The following PPP1R11 variants were observed in gnomAD, a reference collection of about 807,000 sequenced individuals.
PPP1R11 encodes the protein E3 ubiquitin-protein ligase PPP1R11.
Under a neutral mutation model 11.3 loss-of-function variants are expected in PPP1R11, and 10 were observed. The ratio of observed to expected loss-of-function variants is 0.88; its 90% CI spans 0.55 to 1.50. PPP1R11 has a LOEUF of 1.50. PPP1R11 is among the 40% of genes most tolerant of loss of function. The pLI, the probability that PPP1R11 is intolerant of heterozygous loss-of-function variation, is 0.00. For synonymous variants in PPP1R11, 56 were observed against 62.3 expected (o/e 0.90, Z 0.48); for missense variants, 114 against 179.1 (o/e 0.64, Z 2.07).
At chr6:30,066,407 T>C (rs9261280), upstream of PPP1R11, among the ~76,000 whole-genome samples, 4,616 of 152,350 alleles carry the variant, frequency 0.03, 83 homozygotes, top group Non-Finnish European at 0.04. Flanking sequence ...GAAACGTGCA[T>C]ATATTTTTAT....
chr6:30,068,905 G>A (rs1337240457), intron 2 of PPP1R11, among the ~76,000 whole-genome samples, 199 bp from the exon 3 acceptor site: 1 of 152,176 alleles, frequency 6.6e-6, no homozygotes, highest in African/African-American at 2.4e-5. Flanking sequence ...GTCAGAGGTG[G>A]GAGAAGTGGG....
rs1435104552 is a variant in PPP1R11, at chr6:30,070,143, C to T, written c.*837C>T. ...GTAGTACACTCTTACCTCTTACTTC[C>T]TAGACTTTGATTTCTCCGGCAGCCC... On this transcript the variant is annotated 3_prime_UTR_variant, in exon 3 of 3. Transcript: ENST00000376772. 6.5e-6 allele frequency: 1 copy of T among 152,740 alleles called. No homozygotes were observed. Among genetic ancestry groups the T allele is most frequent in the Non-Finnish European group, 1.5e-5 (1 of 68,472 alleles). The allele number at this position is 152,740 out of a possible 1,614,324, so 9.5% of individuals were successfully genotyped here.
In PPP1R11 at chr6:30,069,280, C is replaced by T; in HGVS notation, c.355C>T (p.Pro119Ser). ...TCCCCAGCCTCCTGACCCTTCCCAG[C>T]CCCCTCCAGGGCCAATGCAGCACTA... is the stretch of plus-strand genomic sequence containing the variant. ...TPPQPPDPSQ[P>S]PPGPMQH The change falls in exon 3 of 3, where the codon CCC becomes TCC. Residue 119 changes from proline to serine, a missense_variant. Coordinates refer to ENST00000376772, the MANE Select transcript of PPP1R11 (RefSeq NM_021959.3). The surrounding 1 kb of genome is among the most constrained non-coding windows in gnomAD (Gnocchi z 6.6). 6.2e-7 allele frequency: 1 copy of T among 1,608,620 alleles called. No individual in the cohort carries two copies. Among genetic ancestry groups the T allele is most frequent in the African/African-American group, 1.3e-5 (1 of 74,852 alleles).
At chr6:30,066,971 C>A, upstream of PPP1R11, 1 of 175,496 alleles carries the variant, frequency 5.7e-6, no homozygotes, top group South Asian at 1.1e-4. Flanking sequence ...TCTGGCCCGG[C>A]AATACCCATC....
At chr6:30,062,166 T>A, upstream of PPP1R11, 1 of 1,498,704 alleles carries the variant, frequency 6.7e-7, no homozygotes, top group Non-Finnish European at 9.3e-7. Context: ...ATCGCCTGAT[T>A]CCTGTGGGAA....
At chr6:30,061,396 G>A in the PPP1R11 span, 6 of 1,022,758 alleles carry the variant, frequency 5.9e-6, no homozygotes, top group East Asian at 2.5e-5. This position sits in a 1 kb window ranked among gnomAD's most constrained non-coding sequence, Gnocchi z 5.0. Context: ...AGAGGCAGGA[G>A]GCGTGCGTGG....
chr6:30,067,555 T>C, intron 1 of PPP1R11, 76 bp downstream of exon 1: 8 of 1,525,730 alleles, frequency 5.2e-6, no homozygotes, highest in Middle Eastern at 1.7e-4. Flanking sequence ...ATTAGAAGAG[T>C]TGTTGGAGGA....
upstream of PPP1R11, among the ~76,000 whole-genome samples, chr6:30,063,074 G>C (rs570544331): frequency 6.6e-6 from 1 of 152,200 alleles, no homozygotes; most frequent in South Asian, 2.1e-4. This position sits in a 1 kb window ranked among gnomAD's most constrained non-coding sequence, Gnocchi z 4.1. Flanking sequence ...GTGTTCTGCA[G>C]TCACTATAGT....
chr6:30,064,191 T>C (rs565540311), upstream of PPP1R11, among the ~76,000 whole-genome samples: 48 of 152,300 alleles, frequency 3.2e-4, no homozygotes, highest in African/African-American at 9.4e-4. Flanking sequence ...AGTGTGCAGA[T>C]TGCCTTTACT....
upstream of PPP1R11, chr6:30,062,031 A>G: frequency 6.2e-7 from 1 of 1,609,278 alleles, no homozygotes; most frequent in South Asian, 1.1e-5. Context: ...AGCTAATGAG[A>G]TCAAGAACTG....
chr6:30,062,282 T>C (rs376269985), upstream of PPP1R11: 2 of 1,612,982 alleles, frequency 1.2e-6, no homozygotes, highest in African/African-American at 2.7e-5. Flanking sequence ...ACCAGACAGA[T>C]GCGTTCAGCC....
chr6:30,062,212 G>T (rs1426519838), upstream of PPP1R11: 1 of 1,609,436 alleles, frequency 6.2e-7, no homozygotes, highest in African/African-American at 1.3e-5. Flanking sequence ...TAACCCACCA[G>T]TTTCTTCCCA....
At position 30,068,690 on chromosome 6, in the gene PPP1R11, C is replaced by A; in HGVS notation, c.170C>A (p.Ser57Ter). The stretch of plus-strand genomic sequence containing the variant: ...GACAATGAACACATGGGCCGCCGCT[C>A]ATCCAAATGTGAGTAATTGTTGGCC... ...TVDNEHMGRRSSKCCCIYEKP... is the reference protein window; with the variant it reads ...TVDNEHMGRR Residue 57 changes from serine (S) to a stop codon, truncating the protein, a stop_gained, in exon 2 of 3, where the codon TCA (serine) becomes TAA (stop). Transcript: ENST00000376772. LOFTEE classifies it high-confidence loss of function. 1 of 1,612,236 alleles carries A rather than the reference C, an allele frequency of 6.2e-7. No homozygotes were observed. The highest frequency in any genetic ancestry group is 8.5e-7 in the Non-Finnish European group (1 of 1,179,372).
chr6:30,061,733 G>A (rs1765091897), upstream of PPP1R11: 2 of 1,605,978 alleles, frequency 1.2e-6, no homozygotes, highest in Admixed American at 1.7e-5. The surrounding 1 kb of genome is among the most constrained non-coding windows in gnomAD (Gnocchi z 5.0). Context: ...GGGAACTCAA[G>A]ATCGGTTGGG....
At chr6:30,064,096 G>T (rs148532431), upstream of PPP1R11, among the ~76,000 whole-genome samples, 303 of 152,174 alleles carry the variant, frequency 2.0e-3, 1 homozygote, top group African/African-American at 6.6e-3. Context: ...AGTATAAAGG[G>T]CACCATAGTG....
Position 30,068,646 on chromosome 6 carries a change from A to G in PPP1R11, c.126A>G (p.Glu42=). The G allele has an allele frequency of 1.2e-6, 2 of 1,612,994 alleles. No homozygotes were observed. Among genetic ancestry groups the G allele is most frequent in the Non-Finnish European group, 1.7e-6 (2 of 1,179,994 alleles). ...LRKRKPEKKV[E]WTSDTVDNEH... is the part of the protein sequence containing the mutation. ...AACGGAAGCCAGAGAAAAAGGTAGA[A>G]TGGACAAGTGACACTGTGGACAATG... The change falls in exon 2 of 3, where the codon GAA becomes GAG. Residue 42 remains glutamate, a synonymous_variant. Transcript: ENST00000376772.
upstream of PPP1R11, chr6:30,064,649 A>G (rs541374286): frequency 6.2e-7 from 1 of 1,604,098 alleles, no homozygotes; most frequent in African/African-American, 1.3e-5. Flanking sequence ...TGGTGAATAT[A>G]ACAAGTCCTT....
chr6:30,067,670 T>G, intron 1 of PPP1R11, 191 bp downstream of exon 1: 1 of 656,136 alleles, frequency 1.5e-6, no homozygotes, highest in Non-Finnish European at 2.6e-6. Context: ...AGGAGGCAGG[T>G]CAAGGAACTT....
upstream of PPP1R11, among the ~76,000 whole-genome samples, chr6:30,064,095 G>A (rs537064929): frequency 6.6e-6 from 1 of 151,984 alleles, no homozygotes; most frequent in South Asian, 2.1e-4. Flanking sequence ...CAGTATAAAG[G>A]GCACCATAGT....
Sources: allele counts gnomAD v4.1 joint callset (sites outside exome capture counted in the v4.1 genomes callset), GRCh38; gene constraint gnomAD v4.1.1; non-coding constraint Gnocchi (gnomAD v3.1); transcripts MANE v1.5; gene names NCBI Gene and HGNC (gene_info 2026-07-23, HGNC 2026-07-21).